The following ZUP1 variants were observed in gnomAD, a reference collection of about 807,000 sequenced individuals.
ZUP1 encodes the protein zinc finger containing ubiquitin peptidase 1.
Under a neutral mutation model 68.1 loss-of-function variants are expected in ZUP1, and 55 were observed. The observed-to-expected ratio is 0.81, with a 90% CI of 0.65 to 1.01. The LOEUF is 1.01. ZUP1 is among the 50% of genes least tolerant of loss of function. The pLI, the probability that ZUP1 is intolerant of heterozygous loss-of-function variation, is 0.00. For missense variants in ZUP1, 684 were observed against 674.9 expected, an observed-to-expected ratio of 1.01 and a Z score of -0.15; for synonymous variants, 223 against 221.5, an observed-to-expected ratio of 1.01 and a Z score of -0.06.
intron 5 of ZUP1, among the ~76,000 whole-genome samples, chr6:116,654,826 T>C (rs756673366): frequency 1.6e-4 from 24 of 152,082 alleles, no homozygotes; most frequent in Non-Finnish European, 2.5e-4. Context: ...AATTAAAACA[T>C]GTATCATCTC....
intron 2 of ZUP1, among the ~76,000 whole-genome samples, chr6:116,663,938 C>A (rs1056615523): frequency 6.6e-6 from 1 of 151,130 alleles, no homozygotes; most frequent in African/African-American, 2.4e-5. Flanking sequence ...CATAGTAAGA[C>A]CTTGTCTCAA....
intron 8 of ZUP1, 38 bp from the exon 9 acceptor site, chr6:116,645,972 T>A: frequency 7.2e-7 from 1 of 1,395,836 alleles, no homozygotes; most frequent in Non-Finnish European, 1.0e-6. Flanking sequence ...ACGTCACATC[T>A]ATTTACAGTT....
At chr6:116,639,222 G>GGCCT (rs1024189797) in intron 9 of ZUP1, among the ~76,000 whole-genome samples, 3 of 152,244 alleles carry the variant, frequency 2.0e-5, no homozygotes, top group African/African-American at 7.2e-5. Flanking sequence ...AGCTCAAGGA[G>GGCCT]GCCTGCCTGC....
At chr6:116,640,231 CG>C (rs1562398537) in intron 9 of ZUP1, among the ~76,000 whole-genome samples, 2 of 151,986 alleles carry the variant, frequency 1.3e-5, no homozygotes, top group African/African-American at 4.8e-5. Context: ...CTGAAAGTGA[CG>C]GGGAGAATGG....
At chr6:116,637,244 A>C (rs559285449) in intron 9 of ZUP1, among the ~76,000 whole-genome samples, 6 of 152,280 alleles carry the variant, frequency 3.9e-5, no homozygotes, top group African/African-American at 1.4e-4. Context: ...TACCTTAGGA[A>C]TACAATTTCT....
rs1331893167 is a variant in ZUP1 at position 116,666,892 on chromosome 6, T to C, written c.301A>G (p.Lys101Glu). The part of the protein sequence containing the change: ...ILSGCASNHP[K>E]NSAQNLTKDS... ...TTAGTCAGGTTTTGAGCTGAATTTT[T>C]TGGATGATTAGATGCACAACCTGAA... The change falls in exon 2 of 10, where the codon AAA (lysine) becomes GAA (glutamate). Residue 101 changes from lysine to glutamate, a missense_variant. Coordinates refer to ENST00000368576, the MANE Select transcript of ZUP1 (RefSeq NM_145062.3). The C allele has an allele frequency of 6.2e-7, 1 of 1,611,386 alleles. No individual in the cohort carries two copies. The highest frequency in any genetic ancestry group is 8.5e-7 in the Non-Finnish European group (1 of 1,179,172).
intron 5 of ZUP1, among the ~76,000 whole-genome samples, chr6:116,654,336 A>C (rs1776600979): frequency 6.6e-6 from 1 of 152,010 alleles, no homozygotes; most frequent in Non-Finnish European, 1.5e-5. Context: ...TGAAATAAAT[A>C]AGCATAATAT....
intron 7 of ZUP1, 135 bp from the exon 8 acceptor site, chr6:116,647,745 T>A: frequency 3.0e-6 from 2 of 661,180 alleles, no homozygotes; most frequent in South Asian, 1.2e-4. Context: ...AGAAGAAAAG[T>A]AAATATAAAT....
chr6:116,661,840 GAA>G, intron 2 of ZUP1, among the ~76,000 whole-genome samples: 1 of 152,156 alleles, frequency 6.6e-6, no homozygotes, highest in East Asian at 1.9e-4. Flanking sequence ...ACTAAAATTT[GAA>G]TTGCTAAACT....
At chr6:116,655,826 A>G (rs1029569939) in intron 5 of ZUP1, among the ~76,000 whole-genome samples, 1 of 152,188 alleles carries the variant, frequency 6.6e-6, no homozygotes, top group Non-Finnish European at 1.5e-5. Flanking sequence ...TAGAGTTGTT[A>G]GTGTCTAAAA....
Position 116,647,561 on chromosome 6 carries a change from G to A in ZUP1, c.1366C>T (p.Pro456Ser). 1 of 1,596,756 alleles carries A rather than the reference G, an allele frequency of 6.3e-7. No individual in the cohort carries two copies. The highest frequency in any genetic ancestry group is 8.6e-7 in the Non-Finnish European group (1 of 1,168,186). Residue 456 changes from proline (P) to serine (S), a missense_variant, in exon 8 of 10, where the codon CCT becomes TCT. By Grantham distance (74) the Pro-to-Ser change is moderately conservative. Transcript: ENST00000368576. The part of the protein sequence containing the change: ...HKSTGPLGTH[P>S]RLFEWILNYY... ...TTCAATATCCATTCAAATAAGCGAG[G>A]GTGTGTACCCAAAGGACCAGTTGAT...
At position 116,667,007 on chromosome 6, in the gene ZUP1, A is replaced by G. The variant is rs1777033324; in HGVS notation, c.186T>C (p.Phe62=). 6.2e-7 allele frequency: 1 copy of G among 1,613,556 alleles called. No homozygotes were observed. Among genetic ancestry groups the G allele is most frequent in the African/African-American group, 1.3e-5 (1 of 75,014 alleles). The change falls in exon 2 of 10, where the codon TTT becomes TTC. Residue 62 remains phenylalanine, a synonymous_variant. Coordinates refer to ENST00000368576, the MANE Select transcript of ZUP1 (RefSeq NM_145062.3). ...HFEQNTLERN[F]ERINTVQYGT... The stretch of plus-strand genomic sequence containing the variant: ...CATATTGTACTGTATTTATCCTCTC[A>G]AAGTTTCTTTCAAGTGTATTCTGCT...
chr6:116,636,027 C>A, intron 9 of ZUP1, 148 bp from the exon 10 acceptor site: 1 of 477,440 alleles, frequency 2.1e-6, no homozygotes, highest in Non-Finnish European at 3.5e-6. Context: ...TCTCAAACTT[C>A]TGAAATTAGG....
At chr6:116,664,685 G>A (rs968519103) in intron 2 of ZUP1, among the ~76,000 whole-genome samples, 1 of 152,110 alleles carries the variant, frequency 6.6e-6, no homozygotes, top group African/African-American at 2.4e-5. Flanking sequence ...TAAAGTGGTG[G>A]TGTAATAAGG....
intron 2 of ZUP1, among the ~76,000 whole-genome samples, chr6:116,662,744 G>GC (rs1322966469): frequency 6.6e-6 from 1 of 151,998 alleles, no homozygotes; most frequent in Non-Finnish European, 1.5e-5. Flanking sequence ...TAACACACAG[G>GC]CAACTTTTCT....
chr6:116,647,339 AC>A, intron 8 of ZUP1, 119 bp downstream of exon 8: 1 of 883,854 alleles, frequency 1.1e-6, no homozygotes, highest in Non-Finnish European at 1.6e-6. Context: ...AGCCTGAGCA[AC>A]AGAGTGAGAT....
intron 9 of ZUP1, among the ~76,000 whole-genome samples, chr6:116,637,504 A>C (rs1468417221): frequency 6.6e-6 from 1 of 152,196 alleles, no homozygotes; most frequent in African/African-American, 2.4e-5. Context: ...CTTACAGTTA[A>C]AGCACAGCTA....
chr6:116,662,766 G>A (rs1382878541), intron 2 of ZUP1, among the ~76,000 whole-genome samples: 6 of 152,048 alleles, frequency 3.9e-5, no homozygotes, highest in Admixed American at 3.9e-4. Flanking sequence ...TCACAATTCA[G>A]GGCCCTAGAA....
At chr6:116,647,998 T>C (rs536636694) in intron 7 of ZUP1, among the ~76,000 whole-genome samples, 7 of 152,368 alleles carry the variant, frequency 4.6e-5, no homozygotes, top group Non-Finnish European at 8.8e-5. Flanking sequence ...GCTTTTATTC[T>C]AGTTTCTAAC....
Sources: gnomAD v4.1 joint callset for allele counts (sites outside exome capture counted in the v4.1 genomes callset) on GRCh38, gnomAD v4.1.1 for gene constraint, MANE v1.5 for transcripts, NCBI Gene and HGNC (gene_info 2026-07-23, HGNC 2026-07-21) for gene names.